CTBP1: variants seen among roughly 807,000 people sequenced by gnomAD.
CTBP1 encodes C-terminal binding protein 1, also known as C-terminal-binding protein 1.
In CTBP1, 11 loss-of-function variants were observed where a neutral mutation model predicts 42.1. That is an observed-to-expected ratio of 0.26 (90% CI 0.16 to 0.43). The LOEUF is 0.43. Ranked by LOEUF, CTBP1 falls within the 20% of genes least tolerant of loss-of-function variation. CTBP1 has a pLI of 1.00. For missense variants in CTBP1, 399 were observed against 624.3 expected (o/e 0.64, Z 3.85); for synonymous variants, 324 against 277.1 (o/e 1.17, Z -1.68).
At position 1,230,217 on chromosome 4, in the gene CTBP1, C is replaced by T. The variant is rs370438190; in HGVS notation, c.163-1874G>A. 9.5e-4 allele frequency among the ~76,000 whole-genome samples: 144 copies of T among 152,124 alleles called. 1 individual carries two copies. The South Asian group carries it at 0.018, about 19-fold the overall frequency. ...CACACTTGACCAGACGTAGTGTGGA[C>T]GGGGTGAGGCCACAAGGACAGCATG... is the stretch of plus-strand genomic sequence containing the variant. On this transcript the variant is annotated intron_variant, in intron 3 of 9. Coordinates refer to ENST00000382952, the MANE Select transcript of CTBP1 (RefSeq NM_001012614.2).
chr4:1,214,433 C>T lies in CTBP1; in HGVS notation c.770G>A (p.Gly257Asp), dbSNP rs2108707019. Reference sequence around the variant, plus strand: ...GGCCAGCGCCTTCTCATCCACCAGGCCACCCCGGGCTGTGTTCACCAGGAA... The same window carrying T: ...GGCCAGCGCCTTCTCATCCACCAGGTCACCCCGGGCTGTGTTCACCAGGAA... ...GAFLVNTARG[G>D]LVDEKALAQA... is the part of the protein sequence containing the mutation. The change falls in exon 7 of 10, where the codon GGC (glycine) becomes GAC (aspartate). Residue 257 changes from glycine (G) to aspartate (D), a missense_variant. By Grantham distance (94) the Gly-to-Asp change is moderately conservative (BLOSUM62 -1). Transcript: ENST00000382952. The T allele has an allele frequency of 1.3e-6, 2 of 1,587,184 alleles. No individual in the cohort carries two copies. The highest frequency in any genetic ancestry group is 1.8e-5 in the Admixed American group (1 of 55,820).
At position 1,235,718 on chromosome 4, in the gene CTBP1, GCA is replaced by G. The variant is rs1731428581; in HGVS notation, c.162+2463_162+2464del. 1 of 152,216 alleles carries G rather than the reference GCA, an allele frequency of 6.6e-6. No homozygotes were observed. Among genetic ancestry groups the G allele is most frequent in the Admixed American group, 6.5e-5 (1 of 15,268 alleles). 9.4% of individuals were successfully genotyped at this position (152,216 alleles called of 1,614,324 possible). A position where few individuals can be genotyped will look rare whatever the true frequency, so the allele number is the denominator to read the frequency against. On this transcript the variant is annotated intron_variant, in intron 3 of 9. Transcript: ENST00000382952. The surrounding 1 kb of genome is among the most constrained non-coding windows in gnomAD (Gnocchi z 4.2). ...GCAGCACGGGGAGCTCCTGCGGGTG[GCA>G]CTGCTTCCCTGGCTTCTGCGTTTTG...
Position 1,212,918 on chromosome 4 carries a change from G to T in CTBP1, c.1101C>A (p.Ala367=). 6.2e-7 allele frequency: 1 copy of T among 1,613,338 alleles called. No homozygotes were observed. The highest frequency in any genetic ancestry group is 8.5e-7 in the Non-Finnish European group (1 of 1,179,716). Reference sequence around the variant, plus strand: ...GGGCCAGCGGGCCTGCTCACCTATAGGCAGCCCCATTGAGCTCAGGGTGCA... The same window carrying T: ...GGGCCAGCGGGCCTGCTCACCTATATGCAGCCCCATTGAGCTCAGGGTGCA... ...AVVHPELNGA[A]YRYPPGVVGV... Residue 367 remains alanine, a synonymous_variant, in exon 9 of 10, where the codon GCC becomes GCA. Transcript: ENST00000382952.
chr4:1,243,594 G>A (rs1362520089), intron 1 of CTBP1: 57 of 985,294 alleles, frequency 5.8e-5, no homozygotes, highest in Non-Finnish European at 6.7e-5. Flanking sequence ...GCCCCCTGCC[G>A]GGCCACACCT....
intron 1 of CTBP1, chr4:1,245,447 ACACGACAC>A: frequency 4.7e-5 from 46 of 985,368 alleles, no homozygotes; most frequent in Non-Finnish European, 5.4e-5. Flanking sequence ...CACAGTCTAC[ACACGACAC>A]CACTGGAGAG....
chr4:1,247,778 G>GGA (rs1732887569), intron 1 of CTBP1, among the ~76,000 whole-genome samples: 2 of 147,048 alleles, frequency 1.4e-5, no homozygotes, highest in Non-Finnish European at 3.0e-5. Context: ...GGGGGGGGGG[G>GGA]CTCGGGCTCA....
In CTBP1 at chr4:1,241,483, G is replaced by C. The variant is rs142091118; in HGVS notation, c.-152C>G. 1 of 1,603,782 alleles carries C rather than the reference G, an allele frequency of 6.2e-7. No individual in the cohort carries two copies. The highest frequency in any genetic ancestry group is 2.2e-5 in the East Asian group (1 of 44,848). ...CAAAGTGCTCAGGCTTCTGATCCGC[G>C]GCAATCACTGAAGCCTGCGTCGGGG... On this transcript the variant is annotated 5_prime_UTR_variant, in exon 2 of 10. Transcript: ENST00000382952.
chr4:1,219,461 C>T (rs1729499791), intron 5 of CTBP1, among the ~76,000 whole-genome samples: 1 of 152,160 alleles, frequency 6.6e-6, no homozygotes, highest in Non-Finnish European at 1.5e-5. Flanking sequence ...AACATCAGAC[C>T]AATTAATTAG....
chr4:1,213,769 C>G (rs1728800328), intron 7 of CTBP1, 164 bp from the exon 8 acceptor site: 2 of 875,488 alleles, frequency 2.3e-6, no homozygotes, highest in East Asian at 5.7e-5. Flanking sequence ...GAGCACAGCC[C>G]CGGGACCATC....
chr4:1,230,544 G>A (rs574460710), intron 3 of CTBP1, among the ~76,000 whole-genome samples: 11 of 152,308 alleles, frequency 7.2e-5, no homozygotes, highest in Admixed American at 6.5e-4. Flanking sequence ...GGGCTGGCCT[G>A]GGCAGCTGGA....
Position 1,212,983 on chromosome 4 carries a change from T to A in CTBP1, c.1036A>T (p.Thr346Ser). The part of the protein sequence containing the change: ...LKNCVNKDHL[T>S]AATHWASMDP... ...ATGCTGGCCCAGTGGGTGGCGGCTG[T>A]CAGATGGTCCTTGTTGACACAGTTC... Residue 346 changes from threonine to serine, a missense_variant, in exon 9 of 10, where the codon ACA becomes TCA. Thr to Ser is a moderately conservative substitution (Grantham distance 58, BLOSUM62 1). This residue lies in a region of CTBP1 where 309 missense variants were observed against 497.5 expected (regional missense o/e 0.62). Coordinates refer to ENST00000382952, the MANE Select transcript of CTBP1 (RefSeq NM_001012614.2). 1 of 1,613,892 alleles carries A rather than the reference T, an allele frequency of 6.2e-7. No homozygotes were observed. Among genetic ancestry groups the A allele is most frequent in the African/African-American group, 1.3e-5 (1 of 75,032 alleles).
chr4:1,213,300 G>A (rs939738586), intron 8 of CTBP1, among the ~76,000 whole-genome samples, 178 bp downstream of exon 8: 4 of 152,198 alleles, frequency 2.6e-5, no homozygotes, highest in East Asian at 1.9e-4. Flanking sequence ...TGTAAGACAC[G>A]ACGCCAGGGC....
At chr4:1,224,335 A>G (rs1730084834) in intron 5 of CTBP1, among the ~76,000 whole-genome samples, 1 of 151,392 alleles carries the variant, frequency 6.6e-6, no homozygotes, top group Non-Finnish European at 1.5e-5. Context: ...TCCATGTGTG[A>G]TGTCTGTGTG....
chr4:1,213,259 T>C (rs1393466306), intron 8 of CTBP1, among the ~76,000 whole-genome samples: 1 of 151,966 alleles, frequency 6.6e-6, no homozygotes, highest in Non-Finnish European at 1.5e-5. Context: ...ACCTGTCTGC[T>C]CAGCCCAGCA....
intron 5 of CTBP1, among the ~76,000 whole-genome samples, chr4:1,225,157 G>A (rs1368869973): frequency 6.6e-6 from 1 of 152,136 alleles, no homozygotes; most frequent in Non-Finnish European, 1.5e-5. Context: ...TGAGACCCAC[G>A]TGTGCTGTGA....
chr4:1,225,325 G>A (rs1273099012), intron 5 of CTBP1, 35 bp downstream of exon 5: 2 of 1,522,692 alleles, frequency 1.3e-6, no homozygotes, highest in Non-Finnish European at 1.8e-6. Context: ...CCAGACACAG[G>A]GAGGGACACA....
intron 1 of CTBP1, chr4:1,242,587 G>A (rs1732291913): frequency 2.0e-6 from 2 of 985,426 alleles, no homozygotes; most frequent in Non-Finnish European, 2.4e-6. Context: ...ACCATCACAG[G>A]GGCTGGGGTG....
chr4:1,230,616 C>A (rs1246411248), intron 3 of CTBP1, among the ~76,000 whole-genome samples: 1 of 152,174 alleles, frequency 6.6e-6, no homozygotes, highest in Non-Finnish European at 1.5e-5. Context: ...CTGGACAGAC[C>A]CACACCACAC....
chr4:1,233,746 C>T lies in CTBP1; in HGVS notation c.162+4437G>A, dbSNP rs1294517738. Among the ~76,000 whole-genome samples, 1 of 152,190 alleles carries T rather than the reference C, an allele frequency of 6.6e-6. No individual in the cohort carries two copies. The highest frequency in any genetic ancestry group is 1.5e-5 in the Non-Finnish European group (1 of 68,034). On this transcript the variant is annotated intron_variant, in intron 3 of 9. Transcript: ENST00000382952. This position sits in a 1 kb window ranked among gnomAD's most constrained non-coding sequence, Gnocchi z 4.6. Reference sequence around the variant, plus strand: ...ACATTCTTCCCGCTCCTCCTGTGACCGCACTGACGGTATCACGTTCTCTCC... The same window carrying T: ...ACATTCTTCCCGCTCCTCCTGTGACTGCACTGACGGTATCACGTTCTCTCC...
Sources: allele counts gnomAD v4.1 joint callset (sites outside exome capture counted in the v4.1 genomes callset), GRCh38; gene constraint gnomAD v4.1.1; regional missense constraint gnomAD v4.1.1; non-coding constraint Gnocchi (gnomAD v3.1); transcripts MANE v1.5; gene names NCBI Gene and HGNC (gene_info 2026-07-23, HGNC 2026-07-21).